The following MYO10 variants were observed in gnomAD, a reference collection of about 807,000 sequenced individuals.
MYO10 encodes the protein unconventional myosin-X.
MYO10 carries 133 observed loss-of-function variants against 257.3 expected under a neutral mutation model. That is an observed-to-expected ratio of 0.52 (90% confidence interval 0.45 to 0.60). The LOEUF is 0.60. Among genes scored for constraint, MYO10 ranks in the 20% least tolerant of loss-of-function variants. The pLI, the probability that MYO10 is intolerant of heterozygous loss-of-function variation, is 0.00. For missense variants in MYO10, 2,399 were observed against 2,635.7 expected, an observed-to-expected ratio of 0.91 and a Z score of 1.97; for synonymous variants, 1,104 against 1,028.6, an observed-to-expected ratio of 1.07 and a Z score of -1.40.
intron 19 of MYO10, among the ~76,000 whole-genome samples, chr5:16,719,571 A>T (rs1374853890): frequency 6.6e-6 from 1 of 152,234 alleles, no homozygotes; most frequent in Non-Finnish European, 1.5e-5. Context: ...ATCCTTTCCT[A>T]TCATTTTTGG....
rs533686709 is a variant in MYO10 at position 16,899,260 on chromosome 5, C to A, written c.22-21553G>T. Among the ~76,000 whole-genome samples the A allele has an allele frequency of 2.5e-4, 38 of 152,202 alleles. No homozygotes were observed. In the South Asian group the frequency reaches 5.0e-3, roughly 20 times the overall value. ...TACAAAATTCCCCAGTGACAACCAA[C>A]CTGCCTCATCCTAATCTACTTTACT... On this transcript the variant is annotated intron_variant, in intron 1 of 40. Coordinates refer to ENST00000513610, the MANE Select transcript of MYO10 (RefSeq NM_012334.3).
At chr5:16,789,920 T>C (rs1253211346) in intron 4 of MYO10, among the ~76,000 whole-genome samples, 3 of 152,176 alleles carry the variant, frequency 2.0e-5, no homozygotes, top group East Asian at 3.9e-4. Flanking sequence ...CTACAGAAAA[T>C]GCCTCTTGGG....
rs746751894 is a variant in MYO10, at chr5:16,762,115, T to TAAAAAAAAAAAAAAAAAAAA, written c.1588-22_1588-3dup. ...GGGCTTCACATAAAAGTGGTTATTC[T>TAAAAAAAAAAAAAAAAAAAA]AAAAAAAAAAAAAAAAAAAAAAAAA... On this transcript the variant is annotated splice_polypyrimidine_tract_variant and splice_region_variant and intron_variant, in intron 15 of 40. Transcript: ENST00000513610. 1 of 512,388 alleles carries TAAAAAAAAAAAAAAAAAAAA rather than the reference T, an allele frequency of 2.0e-6. No individual in the cohort carries two copies. The highest frequency in any genetic ancestry group is 3.5e-5 in the African/African-American group (1 of 28,438). The allele number at this position is 512,388 out of a possible 1,614,324, so 31.7% of individuals were successfully genotyped here.
At chr5:16,891,310 G>T (rs1276205553) in intron 1 of MYO10, among the ~76,000 whole-genome samples, 1 of 71,260 alleles carries the variant, frequency 1.4e-5, no homozygotes, top group African/African-American at 3.5e-5. Flanking sequence ...AGAGAGAAAA[G>T]GAGAAGAGAA....
intron 19 of MYO10, among the ~76,000 whole-genome samples, chr5:16,739,128 G>A (rs953028622): frequency 2.0e-5 from 3 of 147,284 alleles, no homozygotes; most frequent in Admixed American, 6.8e-5. Context: ...TGAGACTGTA[G>A]TGTGCTATGA....
At chr5:16,752,220 T>C (rs775171346) in intron 19 of MYO10, among the ~76,000 whole-genome samples, 2 of 152,172 alleles carry the variant, frequency 1.3e-5, no homozygotes, top group Non-Finnish European at 2.9e-5. Context: ...GGAAAAAAGC[T>C]TCCAATTAGA....
At position 16,761,584 on chromosome 5, in the gene MYO10, A is replaced by T. The variant is rs529568144; in HGVS notation, c.1657-38T>A. The T allele has an allele frequency of 1.9e-5, 28 of 1,487,116 alleles. No individual in the cohort carries two copies. The Middle Eastern group carries it at 6.9e-4, about 37-fold the overall frequency. The allele number at this position is 1,487,116 out of a possible 1,614,324, so 92.1% of individuals were successfully genotyped here. ...AATAAGAGAGGAGAAAACTGATTGA[A>T]AGAATAGTTTCAGGTCATAAGCAAC... On this transcript the variant is annotated intron_variant, in intron 16 of 40. Transcript: ENST00000513610.
At chr5:16,900,533 G>A (rs996747566) in intron 1 of MYO10, among the ~76,000 whole-genome samples, 13 of 152,030 alleles carry the variant, frequency 8.6e-5, no homozygotes, top group African/African-American at 2.2e-4. Flanking sequence ...GCAGGGAGGT[G>A]AGCAGCTTTC....
chr5:16,815,482 A>G (rs1336883221), intron 3 of MYO10: 2 of 694,492 alleles, frequency 2.9e-6, no homozygotes, highest in Non-Finnish European at 2.6e-6. Context: ...GACATACACC[A>G]ATAAAAAATT....
rs187883779 is a variant in MYO10 at position 16,787,736 on chromosome 5, G to C, written c.468-4267C>G. Among the ~76,000 whole-genome samples, 6 of 152,148 alleles carry C rather than the reference G, an allele frequency of 3.9e-5. No homozygotes were observed. In the East Asian group the frequency reaches 1.2e-3, roughly 29 times the overall value. ...GTGAGAATTTTTTGTAAGCACAATG[G>C]AAAGTCACAAGACAGTTCCTAAGCA... On this transcript the variant is annotated intron_variant, in intron 4 of 40. Transcript: ENST00000513610.
chr5:16,927,312 TTTTG>T (rs1470764728), intron 1 of MYO10, among the ~76,000 whole-genome samples: 16 of 152,098 alleles, frequency 1.1e-4, no homozygotes, highest in South Asian at 2.1e-4. Context: ...TGGTATTTTC[TTTTG>T]TTTGTTTGTT....
At chr5:16,820,266 T>C (rs1461261141) in intron 2 of MYO10, among the ~76,000 whole-genome samples, 4 of 152,142 alleles carry the variant, frequency 2.6e-5, no homozygotes, top group African/African-American at 9.7e-5. Context: ...GTTAAATAGC[T>C]AGAATGCCCT....
intron 1 of MYO10, among the ~76,000 whole-genome samples, chr5:16,914,898 C>T (rs75617035): frequency 1.3e-5 from 2 of 152,108 alleles, no homozygotes; most frequent in Non-Finnish European, 1.5e-5. Context: ...GTGGAACTTT[C>T]GCAGCTGATT....
At chr5:16,926,363 T>C (rs191040678) in intron 1 of MYO10, among the ~76,000 whole-genome samples, 97 of 152,292 alleles carry the variant, frequency 6.4e-4, no homozygotes, top group Admixed American at 1.6e-3. Context: ...CAGTAACTAC[T>C]GTCCTGCCTC....
At chr5:16,745,265 G>A (rs569912776) in intron 19 of MYO10, among the ~76,000 whole-genome samples, 30 of 152,174 alleles carry the variant, frequency 2.0e-4, no homozygotes, top group South Asian at 8.3e-4. Flanking sequence ...GCTTGAACCC[G>A]GGGGAGGTGG....
At chr5:16,884,940 G>C (rs183871024) in intron 1 of MYO10, among the ~76,000 whole-genome samples, 2 of 152,266 alleles carry the variant, frequency 1.3e-5, no homozygotes, top group African/African-American at 4.8e-5. Context: ...ACCATTCACT[G>C]TCAGTGACCT....
chr5:16,790,258 C>T (rs923531748), intron 4 of MYO10, among the ~76,000 whole-genome samples: 5 of 152,082 alleles, frequency 3.3e-5, no homozygotes, highest in Admixed American at 6.6e-5. Flanking sequence ...GTATATTCAT[C>T]CTTTGATTGG....
At chr5:16,749,970 G>A (rs762018447) in intron 19 of MYO10, among the ~76,000 whole-genome samples, 7 of 152,198 alleles carry the variant, frequency 4.6e-5, no homozygotes, top group Non-Finnish European at 8.8e-5. Flanking sequence ...GTTCTGATGA[G>A]GAAAAGCAGG....
At chr5:16,901,511 T>C (rs1327565333) in intron 1 of MYO10, among the ~76,000 whole-genome samples, 4 of 152,200 alleles carry the variant, frequency 2.6e-5, no homozygotes, top group Admixed American at 6.5e-5. Flanking sequence ...TTACCAGCCC[T>C]GCCCTATTAA....
Sources: gnomAD v4.1 joint callset for allele counts (sites outside exome capture counted in the v4.1 genomes callset) on GRCh38, gnomAD v4.1.1 for gene constraint, MANE v1.5 for transcripts, NCBI Gene and HGNC (gene_info 2026-07-23, HGNC 2026-07-21) for gene names.